The following NOCT variants were observed in gnomAD, a reference collection of about 807,000 sequenced individuals.
NOCT encodes CCR4 carbon catabolite repression 4-like.
Under a neutral mutation model 35.0 loss-of-function variants are expected in NOCT, and 18 were observed. That is an observed-to-expected ratio of 0.51 (90% CI 0.36 to 0.76). The LOEUF (loss-of-function observed/expected upper bound fraction) is 0.76, where lower values mean the gene tolerates loss of function less well. Ranked by LOEUF, NOCT falls within the 30% of genes least tolerant of loss-of-function variation. NOCT has a pLI of 0.01. For synonymous variants in NOCT, 235 were observed against 226.3 expected (o/e 1.04, Z -0.34); for missense variants, 479 against 541.0 (o/e 0.89, Z 1.14).
chr4:139,017,082 A>G (rs1726325452), intron 1 of NOCT, among the ~76,000 whole-genome samples: 1 of 148,884 alleles, frequency 6.7e-6, no homozygotes. Context: ...GTTTTCATAC[A>G]TCATAATAAC....
At chr4:139,025,208 C>T (rs943126868) in intron 1 of NOCT, among the ~76,000 whole-genome samples, 2 of 152,154 alleles carry the variant, frequency 1.3e-5, no homozygotes, top group Non-Finnish European at 2.9e-5. Context: ...CCACCCTTCC[C>T]GGCTTTGTCT....
intron 1 of NOCT, among the ~76,000 whole-genome samples, chr4:139,042,213 G>A (rs980969241): frequency 5.9e-5 from 9 of 151,510 alleles, no homozygotes; most frequent in East Asian, 3.9e-4. Context: ...GATTACAGGC[G>A]CACACCACCA....
intron 1 of NOCT, among the ~76,000 whole-genome samples, chr4:139,022,150 C>T (rs1009250238): frequency 6.6e-6 from 1 of 152,174 alleles, no homozygotes; most frequent in South Asian, 2.1e-4. Context: ...TGTGCCTGGG[C>T]GTTTAGCCTC....
rs577458699 is a variant in NOCT, at chr4:139,018,969, G to A, written c.190+2798G>A. Among the ~76,000 whole-genome samples, 16 of 152,360 alleles carry A rather than the reference G, an allele frequency of 1.1e-4. 1 individual carries two copies. The highest frequency in any genetic ancestry group is 3.6e-4 in the African/African-American group (15 of 41,590). ...ATGAGACACACACAGATGAGGAAGG[G>A]TGAGAGAAGAGGCACTTTGCAAAAA... On this transcript the variant is annotated intron_variant, in intron 1 of 2. Coordinates refer to ENST00000280614, the MANE Select transcript of NOCT (RefSeq NM_012118.4).
At chr4:139,017,518 G>GC (rs1197362348) in intron 1 of NOCT, among the ~76,000 whole-genome samples, 12 of 140,038 alleles carry the variant, frequency 8.6e-5, no homozygotes, top group East Asian at 5.2e-4. Context: ...GTGAGCCACC[G>GC]CCCCCCCGGC....
intron 1 of NOCT, among the ~76,000 whole-genome samples, chr4:139,038,650 TTAC>T (rs1726779306): frequency 6.6e-6 from 1 of 152,190 alleles, no homozygotes; most frequent in African/African-American, 2.4e-5. Flanking sequence ...TTAGACATAA[TTAC>T]TAATTATGAT....
intron 1 of NOCT, among the ~76,000 whole-genome samples, chr4:139,039,302 T>C (rs902752231): frequency 2.0e-5 from 3 of 152,092 alleles, no homozygotes; most frequent in African/African-American, 7.2e-5. Flanking sequence ...ACACTTTATG[T>C]ATTTTAAATA....
intron 1 of NOCT, among the ~76,000 whole-genome samples, chr4:139,036,398 A>G (rs1726739491): frequency 6.6e-6 from 1 of 152,082 alleles, no homozygotes; most frequent in African/African-American, 2.4e-5. Context: ...CCTGGCTCCA[A>G]CTCAAAGATT....
chr4:139,025,881 C>T (rs1484056534), intron 1 of NOCT, among the ~76,000 whole-genome samples: 1 of 151,780 alleles, frequency 6.6e-6, no homozygotes, highest in African/African-American at 2.4e-5. Flanking sequence ...AATGTATTTT[C>T]TACTTTGCTG....
At chr4:139,035,225 C>T (rs1282251363) in intron 1 of NOCT, among the ~76,000 whole-genome samples, 1 of 152,086 alleles carries the variant, frequency 6.6e-6, no homozygotes, top group African/African-American at 2.4e-5. Flanking sequence ...CTCCTGGGCT[C>T]AGGCAACCCA....
At chr4:139,031,011 C>T (rs1347138289) in intron 1 of NOCT, among the ~76,000 whole-genome samples, 1 of 152,128 alleles carries the variant, frequency 6.6e-6, no homozygotes, top group East Asian at 1.9e-4. Flanking sequence ...GCCACCGTTT[C>T]AAGATACTAA....
At chr4:139,039,169 TCAAA>T (rs1726789586) in intron 1 of NOCT, among the ~76,000 whole-genome samples, 2 of 3,044 alleles carry the variant, frequency 6.6e-4, no homozygotes, top group Admixed American at 6.7e-3. Context: ...AGACTCCATT[TCAAA>T]AAAAAAAAAA....
intron 1 of NOCT, among the ~76,000 whole-genome samples, chr4:139,040,360 C>T (rs1198736634): frequency 6.6e-6 from 1 of 152,134 alleles, no homozygotes; most frequent in Admixed American, 6.6e-5. Context: ...TTCTTAAAGA[C>T]TTAGCTCACT....
chr4:139,041,079 C>T (rs1438344370), intron 1 of NOCT, among the ~76,000 whole-genome samples: 1 of 152,192 alleles, frequency 6.6e-6, no homozygotes, highest in East Asian at 1.9e-4. Context: ...TGCTTGCTTG[C>T]AGATGCACAC....
At chr4:139,030,648 T>C (rs570488044) in intron 1 of NOCT, among the ~76,000 whole-genome samples, 13 of 152,358 alleles carry the variant, frequency 8.5e-5, no homozygotes, top group Admixed American at 3.3e-4. Context: ...ATTAAATAAA[T>C]ATATTGTATA....
intron 1 of NOCT, among the ~76,000 whole-genome samples, chr4:139,021,851 C>T (rs1031923714): frequency 2.6e-5 from 4 of 151,892 alleles, no homozygotes; most frequent in Non-Finnish European, 4.4e-5. Flanking sequence ...CTGTGCCTCC[C>T]GGGTTCAAGC....
At chr4:139,018,948 G>GAC (rs1232087859) in intron 1 of NOCT, among the ~76,000 whole-genome samples, 1 of 152,228 alleles carries the variant, frequency 6.6e-6, no homozygotes, top group African/African-American at 2.4e-5. Flanking sequence ...AAAGGCATGA[G>GAC]ACACACACAG....
chr4:139,042,317 C>T (rs1318300339), intron 1 of NOCT, among the ~76,000 whole-genome samples: 1 of 152,036 alleles, frequency 6.6e-6, no homozygotes, highest in Non-Finnish European at 1.5e-5. Context: ...GATCCACCTG[C>T]CTCAGCCTCC....
At position 139,017,225 on chromosome 4, in the gene NOCT, C is replaced by CTT. The variant is rs547505786; in HGVS notation, c.190+1072_190+1073dup. The stretch of plus-strand genomic sequence containing the variant: ...TCTTTCAAAACTAGGCAATACATAA[C>CTT]TTTTTTTTTTTTTTTTTTTGAGACG... On this transcript the variant is annotated intron_variant, in intron 1 of 2. Coordinates refer to ENST00000280614, the MANE Select transcript of NOCT (RefSeq NM_012118.4). Among the ~76,000 whole-genome samples the CTT allele has an allele frequency of 5.9e-3, 729 of 122,804 alleles. 18 individuals carry two copies. Among genetic ancestry groups the CTT allele is most frequent in the Middle Eastern group, 0.025 (5 of 204 alleles). The allele number at this position is 122,804 out of a possible 152,430, so 80.6% of individuals were successfully genotyped here.
Sources: gnomAD v4.1 joint callset for allele counts (sites outside exome capture counted in the v4.1 genomes callset) on GRCh38, gnomAD v4.1.1 for gene constraint, MANE v1.5 for transcripts, NCBI Gene and HGNC (gene_info 2026-07-23, HGNC 2026-07-21) for gene names.